KCNJ3: variants seen among roughly 807,000 people sequenced by gnomAD.
The protein encoded by KCNJ3 is G protein-activated inward rectifier potassium channel 1.
KCNJ3 carries 4 observed loss-of-function variants against 39.2 expected under a neutral mutation model. That is an observed-to-expected ratio of 0.10 (90% CI 0.05 to 0.23). The LOEUF is 0.23. Among genes scored for constraint, KCNJ3 ranks in the 10% least tolerant of loss-of-function variants. The pLI is 1.00. For synonymous variants in KCNJ3, 230 were observed against 237.4 expected (o/e 0.97, Z 0.29); for missense variants, 276 against 634.9 (o/e 0.43, Z 6.08).
chr2:154,760,636 C>T (rs985565915), intron 2 of KCNJ3, among the ~76,000 whole-genome samples: 1 of 151,828 alleles, frequency 6.6e-6, no homozygotes, highest in Non-Finnish European at 1.5e-5. Flanking sequence ...CTGGTGTAGC[C>T]TCAACCTCCT....
chr2:154,816,690 T>A (rs993453946), intron 2 of KCNJ3, among the ~76,000 whole-genome samples: 6 of 152,168 alleles, frequency 3.9e-5, no homozygotes, highest in African/African-American at 1.4e-4. Flanking sequence ...TTTGAATACA[T>A]CAGCAGATGT....
intron 2 of KCNJ3, among the ~76,000 whole-genome samples, chr2:154,789,456 T>C (rs1686589835): frequency 6.6e-6 from 1 of 152,064 alleles, no homozygotes; most frequent in South Asian, 2.1e-4. Context: ...TTAGAAAACA[T>C]ATTGTGCCCT....
chr2:154,846,097 G>GTAGT (rs1162880954), intron 2 of KCNJ3, among the ~76,000 whole-genome samples: 1 of 152,184 alleles, frequency 6.6e-6, no homozygotes, highest in Non-Finnish European at 1.5e-5. Context: ...TTTTGAGAAA[G>GTAGT]TAGTTACTAC....
intron 2 of KCNJ3, among the ~76,000 whole-genome samples, chr2:154,781,761 A>G (rs753368011): frequency 6.6e-6 from 1 of 152,204 alleles, no homozygotes; most frequent in African/African-American, 2.4e-5. Flanking sequence ...TTTATTTGCA[A>G]TAGGTACGTG....
At chr2:154,741,870 T>G (rs1685659141) in intron 2 of KCNJ3, among the ~76,000 whole-genome samples, 1 of 151,954 alleles carries the variant, frequency 6.6e-6, no homozygotes, top group African/African-American at 2.4e-5. Context: ...AATCCTGTAT[T>G]TTTTGTGGTA....
intron 1 of KCNJ3, among the ~76,000 whole-genome samples, chr2:154,704,225 G>A (rs938451031): frequency 6.6e-6 from 1 of 151,970 alleles, no homozygotes; most frequent in African/African-American, 2.4e-5. Flanking sequence ...AATAAAAAGT[G>A]AACAGAAATT....
At chr2:154,723,057 G>C (rs1685292142) in intron 2 of KCNJ3, among the ~76,000 whole-genome samples, 1 of 152,048 alleles carries the variant, frequency 6.6e-6, no homozygotes, top group Admixed American at 6.6e-5. Context: ...GAGGCAGTTG[G>C]ATTACTTGAG....
At chr2:154,791,294 C>T (rs767735501) in intron 2 of KCNJ3, among the ~76,000 whole-genome samples, 3 of 151,942 alleles carry the variant, frequency 2.0e-5, no homozygotes, top group African/African-American at 4.8e-5. Flanking sequence ...GAAGATGGGG[C>T]GCCAAAGCTG....
intron 2 of KCNJ3, among the ~76,000 whole-genome samples, chr2:154,852,455 T>C: frequency 6.6e-6 from 1 of 152,240 alleles, no homozygotes; most frequent in South Asian, 2.1e-4. Flanking sequence ...AGTAAAAATA[T>C]ATTTATAGTA....
intron 2 of KCNJ3, among the ~76,000 whole-genome samples, chr2:154,807,932 G>A (rs548669203): frequency 6.6e-6 from 1 of 151,986 alleles, no homozygotes; most frequent in Non-Finnish European, 1.5e-5. Context: ...TTCCTCCCCA[G>A]GTGTTGGAGT....
chr2:154,822,090 T>G (rs1687194155), intron 2 of KCNJ3, among the ~76,000 whole-genome samples: 1 of 152,212 alleles, frequency 6.6e-6, no homozygotes, highest in Non-Finnish European at 1.5e-5. Context: ...CCAAACTTAA[T>G]GATGATGTTC....
rs2105144688 is a variant in KCNJ3 at position 154,856,820 on chromosome 2, A to G, written c.*1507A>G. ...ATAAAAATTTGGAATGCAGACTTTT[A>G]TGAAAATTTAAAAGTGCTCCTTAAC... On this transcript the variant is annotated 3_prime_UTR_variant, in exon 3 of 3. Transcript: ENST00000295101. The G allele has an allele frequency of 6.6e-6, 1 of 152,268 alleles. No homozygotes were observed. Among genetic ancestry groups the G allele is most frequent in the South Asian group, 2.1e-4 (1 of 4,832 alleles). The allele number at this position is 152,268 out of a possible 1,614,324, so 9.4% of individuals were successfully genotyped here.
intron 2 of KCNJ3, among the ~76,000 whole-genome samples, chr2:154,772,318 C>T (rs1005757658): frequency 6.6e-6 from 1 of 152,016 alleles, no homozygotes; most frequent in Admixed American, 6.6e-5. Context: ...CCACTCCTTA[C>T]GTATGGGATA....
chr2:154,821,326 T>C (rs1298796326), intron 2 of KCNJ3, among the ~76,000 whole-genome samples: 1 of 152,186 alleles, frequency 6.6e-6, no homozygotes, highest in Admixed American at 6.5e-5. Flanking sequence ...AGTCAAGACA[T>C]AGACACTATT....
chr2:154,711,751 G>C (rs1325545760), intron 2 of KCNJ3, among the ~76,000 whole-genome samples: 1 of 152,068 alleles, frequency 6.6e-6, no homozygotes, highest in East Asian at 1.9e-4. Context: ...TATTGAAGCA[G>C]GTTGTTTGTA....
chr2:154,711,291 G>A (rs1685098820), intron 2 of KCNJ3, among the ~76,000 whole-genome samples: 1 of 151,952 alleles, frequency 6.6e-6, no homozygotes, highest in African/African-American at 2.4e-5. Flanking sequence ...ATTTATTAAA[G>A]TAGTAATGTA....
At chr2:154,780,402 T>G (rs1686416038) in intron 2 of KCNJ3, among the ~76,000 whole-genome samples, 1 of 152,164 alleles carries the variant, frequency 6.6e-6, no homozygotes, top group Non-Finnish European at 1.5e-5. Context: ...GATGCAACAA[T>G]TTTAAGCAAA....
Position 154,815,403 on chromosome 2 carries a change from T to G in KCNJ3, c.920-39324T>G, listed in dbSNP as rs570103272. Reference sequence around the variant, plus strand: ...GCAGGAACTGCATCTTTTGTTCAGTTCTTTTTTATCTCCTCTTTTTTCCTT... The same window carrying G: ...GCAGGAACTGCATCTTTTGTTCAGTGCTTTTTTATCTCCTCTTTTTTCCTT... On this transcript the variant is annotated intron_variant, in intron 2 of 2. Coordinates refer to ENST00000295101, the MANE Select transcript of KCNJ3 (RefSeq NM_002239.4). Among the ~76,000 whole-genome samples, 177 of 152,334 alleles carry G rather than the reference T, an allele frequency of 1.2e-3. 1 individual carries two copies. Among genetic ancestry groups the G allele is most frequent in the South Asian group, 9.7e-3 (47 of 4,822 alleles).
At chr2:154,843,842 T>C (rs1415108393) in intron 2 of KCNJ3, among the ~76,000 whole-genome samples, 1 of 152,142 alleles carries the variant, frequency 6.6e-6, no homozygotes, top group Admixed American at 6.5e-5. Context: ...ATTCGTCTAA[T>C]CTTTCTTTTT....
Sources: allele counts gnomAD v4.1 joint callset (sites outside exome capture counted in the v4.1 genomes callset), GRCh38; gene constraint gnomAD v4.1.1; transcripts MANE v1.5; gene names NCBI Gene and HGNC (gene_info 2026-07-23, HGNC 2026-07-21).